The following CDH12 variants were observed in gnomAD, a reference collection of about 807,000 sequenced individuals.
CDH12 encodes cadherin-12.
CDH12 carries 41 observed loss-of-function variants against 74.1 expected under a neutral mutation model. That is an observed-to-expected ratio of 0.55 (90% confidence interval 0.43 to 0.72). The LOEUF (loss-of-function observed/expected upper bound fraction) is 0.72, where lower values mean the gene tolerates loss of function less well. CDH12 is among the 30% of genes least tolerant of loss of function. CDH12 has a pLI of 0.00. For synonymous variants in CDH12, 399 were observed against 355.0 expected (o/e 1.12, Z -1.39); for missense variants, 945 against 977.2 (o/e 0.97, Z 0.44).
At chr5:22,029,035 G>A (rs1738605084) in intron 5 of CDH12, among the ~76,000 whole-genome samples, 1 of 152,162 alleles carries the variant, frequency 6.6e-6, no homozygotes, top group African/African-American at 2.4e-5. Flanking sequence ...TTAACAAATG[G>A]TGCTGGGAAA....
At chr5:22,195,172 T>C (rs1306756045) in intron 4 of CDH12, among the ~76,000 whole-genome samples, 1 of 152,212 alleles carries the variant, frequency 6.6e-6, no homozygotes, top group Non-Finnish European at 1.5e-5. Flanking sequence ...AGGTCGTAGC[T>C]AGAATCAGTG....
At chr5:21,772,911 G>T (rs1316029105) in intron 11 of CDH12, among the ~76,000 whole-genome samples, 1 of 152,064 alleles carries the variant, frequency 6.6e-6, no homozygotes, top group Non-Finnish European at 1.5e-5. Context: ...TTGTACATGT[G>T]ATTTTGATGG....
chr5:22,524,628 T>C (rs1737188992), intron 1 of CDH12, among the ~76,000 whole-genome samples: 1 of 152,122 alleles, frequency 6.6e-6, no homozygotes, highest in Admixed American at 6.6e-5. Context: ...ATAGGATACC[T>C]GGAAAACGTA....
intron 6 of CDH12, among the ~76,000 whole-genome samples, chr5:21,938,707 T>TTATATATATAATATACATATATATATATA (rs1561313438): frequency 2.2e-4 from 29 of 132,932 alleles, no homozygotes; most frequent in South Asian, 9.2e-4. Context: ...TTATAATATT[T>TTATATATATAATATACATATATATATATA]TATATATATA....
chr5:22,661,200 G>A (rs1740328345), intron 1 of CDH12, among the ~76,000 whole-genome samples: 1 of 152,062 alleles, frequency 6.6e-6, no homozygotes, highest in Non-Finnish European at 1.5e-5. Flanking sequence ...TTCAACCACA[G>A]AGTCTTCCAC....
intron 6 of CDH12, among the ~76,000 whole-genome samples, chr5:21,925,361 T>C (rs1754540540): frequency 6.6e-6 from 1 of 152,190 alleles, no homozygotes; most frequent in South Asian, 2.1e-4. Flanking sequence ...AGTCAATGAA[T>C]AGAAAATGAG....
intron 5 of CDH12, among the ~76,000 whole-genome samples, chr5:21,986,737 A>G (rs1757531701): frequency 6.6e-6 from 1 of 152,154 alleles, no homozygotes; most frequent in Admixed American, 6.5e-5. Context: ...AGATTTAAAA[A>G]TAAATGCCAA....
At chr5:22,596,642 T>C (rs900526279) in intron 1 of CDH12, among the ~76,000 whole-genome samples, 9 of 152,192 alleles carry the variant, frequency 5.9e-5, no homozygotes, top group Non-Finnish European at 8.8e-5. Flanking sequence ...TGTGATTCAT[T>C]GCCTCACTGA....
At chr5:21,800,838 T>C (rs868308588) in intron 10 of CDH12, among the ~76,000 whole-genome samples, 7 of 152,316 alleles carry the variant, frequency 4.6e-5, no homozygotes, top group Middle Eastern at 3.4e-3. Context: ...ATAAGTTGTT[T>C]GACTGTTCCT....
chr5:22,174,866 G>A (rs1461912968), intron 4 of CDH12, among the ~76,000 whole-genome samples: 7 of 151,872 alleles, frequency 4.6e-5, no homozygotes, highest in Non-Finnish European at 8.8e-5. Flanking sequence ...TTAAAGAACT[G>A]TCTTTAAATT....
At chr5:21,860,673 C>G (rs1750997252) in intron 6 of CDH12, among the ~76,000 whole-genome samples, 4 of 149,554 alleles carry the variant, frequency 2.7e-5, no homozygotes, top group Admixed American at 1.3e-4. Flanking sequence ...TCTTCTGGCC[C>G]TCATCCGTCT....
intron 1 of CDH12, among the ~76,000 whole-genome samples, chr5:22,792,369 G>A (rs1172509799): frequency 4.6e-5 from 7 of 152,118 alleles, no homozygotes; most frequent in African/African-American, 1.2e-4. Context: ...GACTGCAGGC[G>A]TGAGCCACCA....
At chr5:22,448,025 A>G (rs6896554) in intron 2 of CDH12, among the ~76,000 whole-genome samples, 64,087 of 141,042 alleles carry the variant, frequency 0.45, 15,116 homozygotes, top group Admixed American at 0.63. Context: ...GGGGAGATAT[A>G]CCTGTAAACC....
At chr5:22,446,201 C>A (rs1744809653) in intron 2 of CDH12, among the ~76,000 whole-genome samples, 1 of 152,064 alleles carries the variant, frequency 6.6e-6, no homozygotes, top group East Asian at 1.9e-4. Context: ...TGTCAGTTCT[C>A]CAAGCAGTCA....
intron 1 of CDH12, among the ~76,000 whole-genome samples, chr5:22,691,548 T>G (rs1271017752): frequency 1.3e-5 from 2 of 152,216 alleles, no homozygotes; most frequent in Non-Finnish European, 2.9e-5. Flanking sequence ...ACTTTTAATG[T>G]AATGATTTCC....
intron 2 of CDH12, among the ~76,000 whole-genome samples, chr5:22,490,573 A>T (rs1460377590): frequency 6.6e-6 from 1 of 152,176 alleles, no homozygotes; most frequent in African/African-American, 2.4e-5. Context: ...AAAATGAAAA[A>T]AAAAAATAAG....
At chr5:22,531,806 CTG>C (rs1737593481) in intron 1 of CDH12, among the ~76,000 whole-genome samples, 1 of 152,036 alleles carries the variant, frequency 6.6e-6, no homozygotes, top group African/African-American at 2.4e-5. Context: ...GAAAGATTGG[CTG>C]AAAGTCTGTA....
chr5:22,527,870 C>T (rs1360473449), intron 1 of CDH12, among the ~76,000 whole-genome samples: 11 of 152,250 alleles, frequency 7.2e-5, no homozygotes, highest in African/African-American at 2.4e-4. Context: ...CCTTTTTGAA[C>T]TCCCTGAACT....
chr5:21,804,392 A>T (rs559212029), intron 9 of CDH12, among the ~76,000 whole-genome samples: 1 of 152,260 alleles, frequency 6.6e-6, no homozygotes, highest in South Asian at 2.1e-4. Context: ...AAGAAAAGAC[A>T]ACTTATTGCA....
Sources: gnomAD v4.1 joint callset for allele counts (sites outside exome capture counted in the v4.1 genomes callset) on GRCh38, gnomAD v4.1.1 for gene constraint, MANE v1.5 for transcripts, NCBI Gene and HGNC (gene_info 2026-07-23, HGNC 2026-07-21) for gene names.